Variants in LMNTD1 observed in about 807,000 individuals in gnomAD.
LMNTD1 encodes lamin tail domain-containing protein 1.
Under a neutral mutation model 50.9 loss-of-function variants are expected in LMNTD1, and 35 were observed. That is an observed-to-expected ratio of 0.69 (90% CI 0.53 to 0.91). LMNTD1 has a LOEUF of 0.91. Among genes scored for constraint, LMNTD1 ranks in the 40% least tolerant of loss-of-function variants. LMNTD1 has a pLI of 0.00. For synonymous variants in LMNTD1, 153 were observed against 161.9 expected (o/e 0.94, Z 0.42); for missense variants, 470 against 475.5 (o/e 0.99, Z 0.11).
Position 25,509,867 on chromosome 12 carries a change from G to T in LMNTD1, c.1190-6067C>A, listed in dbSNP as rs146411218. 3.5e-3 allele frequency among the ~76,000 whole-genome samples: 529 copies of T among 152,312 alleles called. 3 individuals carry two copies. Among genetic ancestry groups the T allele is most frequent in the African/African-American group, 0.012 (514 of 41,572 alleles). On this transcript the variant is annotated intron_variant, in intron 8 of 9. Coordinates refer to ENST00000458174, the MANE Select transcript of LMNTD1 (RefSeq NM_001145728.2). ...GGCAATGACTAGAAACTAAGAAGAT[G>T]CAAGGAAAGATAATTTTCTAAAGTC...
At chr12:25,557,559 T>C (rs2136285915), upstream of LMNTD1, among the ~76,000 whole-genome samples, 1 of 152,322 alleles carries the variant, frequency 6.6e-6, no homozygotes, top group South Asian at 2.1e-4. Flanking sequence ...TAGAGGAATA[T>C]AGCACTTATT....
chr12:25,548,236 AT>A (rs910939339), intron 3 of LMNTD1, among the ~76,000 whole-genome samples: 1 of 151,838 alleles, frequency 6.6e-6, no homozygotes, highest in Admixed American at 6.6e-5. Flanking sequence ...CATGTCAAAG[AT>A]TTTTTTAAAA....
chr12:25,627,219 A>C (rs1335086472), intron 1 of LMNTD1, among the ~76,000 whole-genome samples: 1 of 152,170 alleles, frequency 6.6e-6, no homozygotes, highest in Non-Finnish European at 1.5e-5. Flanking sequence ...ACAATAACTT[A>C]TTGTTCATCT....
chr12:25,552,860 T>C lies in LMNTD1; in HGVS notation c.89+11A>G. On this transcript the variant is annotated intron_variant, in intron 2 of 9. Coordinates refer to ENST00000458174, the MANE Select transcript of LMNTD1 (RefSeq NM_001145728.2). ...TCTAACTCTGCTTCCATCGCATCTA[T>C]GCATGCTCACTGTTTTTGTTTCTCA... The C allele has an allele frequency of 6.8e-7, 1 of 1,470,332 alleles. No individual in the cohort carries two copies. Among genetic ancestry groups the C allele is most frequent in the Non-Finnish European group, 9.3e-7 (1 of 1,072,838 alleles). 91.1% of individuals were successfully genotyped at this position (1,470,332 alleles called of 1,614,324 possible). A position where few individuals can be genotyped will look rare whatever the true frequency, so the allele number is the denominator to read the frequency against.
At chr12:25,578,225 A>G (rs919018179) in intron 1 of LMNTD1, among the ~76,000 whole-genome samples, 10 of 152,188 alleles carry the variant, frequency 6.6e-5, no homozygotes, top group Non-Finnish European at 1.5e-5. Flanking sequence ...TCCCTAAAAT[A>G]TAGCATTTAC....
At chr12:25,506,099 A>G (rs565679866) in intron 8 of LMNTD1, among the ~76,000 whole-genome samples, 1 of 152,352 alleles carries the variant, frequency 6.6e-6, no homozygotes, top group East Asian at 1.9e-4. Flanking sequence ...CAGATCTATT[A>G]AATTATAATG....
intron 1 of LMNTD1, among the ~76,000 whole-genome samples, chr12:25,578,706 C>T (rs994728496): frequency 6.6e-6 from 1 of 152,168 alleles, no homozygotes; most frequent in Non-Finnish European, 1.5e-5. Context: ...GTTACTATAA[C>T]ACAGCATATG....
chr12:25,545,584 AG>A (rs1262825765), intron 4 of LMNTD1, among the ~76,000 whole-genome samples: 1 of 151,664 alleles, frequency 6.6e-6, no homozygotes, highest in Non-Finnish European at 1.5e-5. Context: ...TTTTAACAGA[AG>A]CTTTGAACAT....
Position 25,518,827 on chromosome 12 carries a change from C to G in LMNTD1, c.1157G>C (p.Arg386Thr), listed in dbSNP as rs1308020139. 1.2e-6 allele frequency: 2 copies of G among 1,613,990 alleles called. No individual in the cohort carries two copies. The highest frequency in any genetic ancestry group is 2.2e-5 in the East Asian group (1 of 44,878). ...TCGATTAGGTCTGGTTGACCGAGTC[C>G]TGGGCTGTCTATCCAATCTGCCTCC... ...TAGGRLDRQP[R>T]TRSTRPNRAS... Residue 386 changes from arginine to threonine, a missense_variant, in exon 8 of 10, where the codon AGG becomes ACG. Coordinates refer to ENST00000458174, the MANE Select transcript of LMNTD1 (RefSeq NM_001145728.2).
intron 8 of LMNTD1, among the ~76,000 whole-genome samples, chr12:25,508,832 T>G (rs12317131): frequency 0.18 from 27,682 of 152,084 alleles, 2,697 homozygotes; most frequent in Middle Eastern, 0.24. Flanking sequence ...TGATATCGTT[T>G]GCTTTAGGAG....
intron 1 of LMNTD1, among the ~76,000 whole-genome samples, chr12:25,634,709 G>A (rs147722372): frequency 4.6e-5 from 7 of 152,300 alleles, no homozygotes; most frequent in South Asian, 2.1e-4. Flanking sequence ...AATACTGAAT[G>A]AGGAAATGTT....
At position 25,570,412 on chromosome 12, in the gene LMNTD1, G is replaced by A. The variant is rs117525993; in HGVS notation, c.59-23858C>T. ...GTTGGATAGAACTTTGAAAGGTAGA[G>A]AACAGGAAGGAAAGCATTTGTTAAC... On this transcript the variant is annotated intron_variant, in intron 1 of 7. Transcript: ENST00000445693. Among the ~76,000 whole-genome samples, 826 of 152,276 alleles carry A rather than the reference G, an allele frequency of 5.4e-3. 20 individuals are homozygous for A. The East Asian group carries it at 0.071, about 13-fold the overall frequency.
chr12:25,597,621 C>T (rs1050206517), intron 1 of LMNTD1, among the ~76,000 whole-genome samples: 1 of 152,078 alleles, frequency 6.6e-6, no homozygotes, highest in African/African-American at 2.4e-5. Context: ...AAACATCAGA[C>T]TTGATATACA....
chr12:25,562,438 T>C (rs1005314862), intron 1 of LMNTD1, among the ~76,000 whole-genome samples: 2 of 152,220 alleles, frequency 1.3e-5, no homozygotes, highest in South Asian at 4.1e-4. Context: ...GCAAATTCTT[T>C]CCTTTAAGAA....
chr12:25,578,986 T>G (rs1197635049), intron 1 of LMNTD1, among the ~76,000 whole-genome samples: 1 of 152,202 alleles, frequency 6.6e-6, no homozygotes, highest in Non-Finnish European at 1.5e-5. Context: ...GATTCTGTTC[T>G]TAGACAAATG....
chr12:25,610,941 A>G (rs1419421563), intron 1 of LMNTD1, among the ~76,000 whole-genome samples: 1 of 152,208 alleles, frequency 6.6e-6, no homozygotes. Flanking sequence ...TGTCTTCAAC[A>G]GTCACAACTG....
chr12:25,496,760 T>C (rs940687438), intron 9 of LMNTD1, among the ~76,000 whole-genome samples: 1 of 152,188 alleles, frequency 6.6e-6, no homozygotes, highest in African/African-American at 2.4e-5. Context: ...TACAATTCAG[T>C]GGCATTAAGT....
chr12:25,606,895 TC>T (rs1255704453), intron 1 of LMNTD1, among the ~76,000 whole-genome samples: 32 of 152,234 alleles, frequency 2.1e-4, no homozygotes, highest in African/African-American at 7.5e-4. Context: ...TGGAATAGTT[TC>T]AGAAGGAACG....
intron 9 of LMNTD1, among the ~76,000 whole-genome samples, chr12:25,491,203 C>T (rs1460823338): frequency 6.6e-6 from 1 of 152,170 alleles, no homozygotes; most frequent in Non-Finnish European, 1.5e-5. Flanking sequence ...GGAAACTTAG[C>T]ATTTTATACG....
Sources: allele counts gnomAD v4.1 joint callset (sites outside exome capture counted in the v4.1 genomes callset), GRCh38; gene constraint gnomAD v4.1.1; transcripts MANE v1.5; gene names NCBI Gene and HGNC (gene_info 2026-07-23, HGNC 2026-07-21).